The following CASP9 variants were observed in gnomAD, a reference collection of about 807,000 sequenced individuals.
The protein encoded by CASP9 is caspase-9.
Under a neutral mutation model 43.5 loss-of-function variants are expected in CASP9, and 29 were observed. The ratio of observed to expected loss-of-function variants is 0.67; its 90% confidence interval spans 0.50 to 0.91. CASP9 has a LOEUF of 0.91. CASP9 is among the 40% of genes least tolerant of loss of function. The probability of loss-of-function intolerance (pLI) is 0.00; values close to 1 mark genes in which losing one functional copy is unlikely to be tolerated. For synonymous variants in CASP9, 206 were observed against 211.9 expected (o/e 0.97, Z 0.24); for missense variants, 575 against 537.4 (o/e 1.07, Z -0.69).
At chr1:15,494,130 C>T in intron 7 of CASP9, 129 bp from the exon 8 acceptor site, 1 of 1,093,156 alleles carries the variant, frequency 9.1e-7, no homozygotes. Flanking sequence ...CCAACAGGAG[C>T]AGCCTGGCCC....
At chr1:15,508,028 C>A in intron 2 of CASP9, 121 bp from the exon 3 acceptor site, 1 of 960,998 alleles carries the variant, frequency 1.0e-6, no homozygotes, top group Non-Finnish European at 1.6e-6. Context: ...TCAGACTCTG[C>A]TGGTGGGAGA....
chr1:15,511,499 G>A (rs575007041), intron 2 of CASP9, among the ~76,000 whole-genome samples: 1 of 151,996 alleles, frequency 6.6e-6, no homozygotes, highest in South Asian at 2.1e-4. Context: ...TGTCTCCCAG[G>A]TTCAAACAAT....
intron 1 of CASP9, among the ~76,000 whole-genome samples, chr1:15,520,568 C>CT (rs956823401): frequency 6.6e-6 from 1 of 152,228 alleles, no homozygotes; most frequent in Admixed American, 6.5e-5. Context: ...GGTGAGCCCT[C>CT]TGTCAGGCCC....
At chr1:15,510,864 T>C (rs965680777) in intron 2 of CASP9, among the ~76,000 whole-genome samples, 13 of 152,110 alleles carry the variant, frequency 8.5e-5, no homozygotes, top group African/African-American at 2.7e-4. Flanking sequence ...CCTGAGTCAC[T>C]GGGCATGTGC....
intron 1 of CASP9, among the ~76,000 whole-genome samples, chr1:15,522,124 T>C (rs1267725298): frequency 3.9e-5 from 6 of 152,164 alleles, no homozygotes; most frequent in Admixed American, 2.0e-4. Context: ...CTTTATAGAG[T>C]TAAATTAGAA....
upstream of CASP9, chr1:15,524,628 CG>C: frequency 1.0e-6 from 1 of 995,240 alleles, no homozygotes; most frequent in Non-Finnish European, 1.2e-6. Flanking sequence ...GCCCGCAGGA[CG>C]CATCTCCAAC....
chr1:15,524,163 C>G lies in CASP9; in HGVS notation c.38G>C (p.Arg13Pro). 1 of 1,539,536 alleles carries G rather than the reference C, an allele frequency of 6.5e-7. No homozygotes were observed. The highest frequency in any genetic ancestry group is 8.7e-7 in the Non-Finnish European group (1 of 1,146,922). The change falls in exon 1 of 9, where the codon CGG (arginine) becomes CCG (proline). Residue 13 changes from arginine to proline, a missense_variant. Arg to Pro is a moderately radical substitution (Grantham distance 103). Transcript: ENST00000333868. The part of the protein sequence containing the change: ...EADRRLLRRC[R>P]LRLVEELQVD... ...CTGCAGCTCTTCCACCAGCCGCAGCCGGCACCGCCGCAGGAGCCGCCGATC... is the reference window on the plus strand; with the variant it reads ...CTGCAGCTCTTCCACCAGCCGCAGCGGGCACCGCCGCAGGAGCCGCCGATC...
chr1:15,504,535 G>T, intron 6 of CASP9, 76 bp downstream of exon 6: 1 of 1,474,222 alleles, frequency 6.8e-7, no homozygotes, highest in Non-Finnish European at 9.2e-7. Context: ...CCTGTGAGGG[G>T]CAGGCTGGAG....
chr1:15,504,480 G>T, intron 6 of CASP9, 131 bp downstream of exon 6: 2 of 875,446 alleles, frequency 2.3e-6, no homozygotes, highest in Non-Finnish European at 3.5e-6. Flanking sequence ...GCCAAAAAGG[G>T]ACCATGTGTG....
chr1:15,496,836 A>G (rs1241320254), intron 6 of CASP9, among the ~76,000 whole-genome samples: 2 of 151,588 alleles, frequency 1.3e-5, no homozygotes, highest in African/African-American at 4.9e-5. Flanking sequence ...CCAGACCAGC[A>G]AAACCTCATC....
At position 15,494,002 on chromosome 1, in the gene CASP9, C is replaced by A. The variant is rs929838362; in HGVS notation, c.1049-1G>T. 3.8e-6 allele frequency: 6 copies of A among 1,581,540 alleles called. No homozygotes were observed. The highest frequency in any genetic ancestry group is 5.2e-6 in the Non-Finnish European group (6 of 1,163,984). On this transcript the variant is annotated splice_acceptor_variant, in intron 7 of 8. Coordinates refer to ENST00000333868, the MANE Select transcript of CASP9 (RefSeq NM_001229.5). LOFTEE classifies it high-confidence loss of function. ...TTGGGGTCCCTCCAGGAAACAAAACCTTTGGAGGGAGGAGGGCTGAACACT... is the reference window on the plus strand; with the variant it reads ...TTGGGGTCCCTCCAGGAAACAAAACATTTGGAGGGAGGAGGGCTGAACACT...
chr1:15,516,202 A>T (rs1184725281), intron 2 of CASP9, among the ~76,000 whole-genome samples: 1 of 99,838 alleles, frequency 1.0e-5, no homozygotes, highest in Non-Finnish European at 2.2e-5. Flanking sequence ...ACTCCCTCTT[A>T]AAAAAAAAAA....
At chr1:15,495,492 A>T (rs1709073359) in intron 6 of CASP9, 40 bp from the exon 7 acceptor site, 1 of 1,499,328 alleles carries the variant, frequency 6.7e-7, no homozygotes. Flanking sequence ...TCATTGAAAT[A>T]CACAGACAAG....
intron 6 of CASP9, 85 bp from the exon 7 acceptor site, chr1:15,495,537 T>A (rs1709075414): frequency 1.7e-6 from 2 of 1,173,222 alleles, no homozygotes; most frequent in Non-Finnish European, 1.2e-6. Flanking sequence ...TGCAATATAC[T>A]ACATTAACAG....
At chr1:15,524,783 A>T, upstream of CASP9, 1 of 996,956 alleles carries the variant, frequency 1.0e-6, no homozygotes, top group Non-Finnish European at 1.2e-6. Context: ...ACTCCCCGGG[A>T]CGCATCTAGA....
intron 2 of CASP9, among the ~76,000 whole-genome samples, chr1:15,516,842 C>A (rs1432244615): frequency 6.6e-6 from 1 of 152,224 alleles, no homozygotes; most frequent in African/African-American, 2.4e-5. Flanking sequence ...TGGGGCTACC[C>A]TGCAGAGCAG....
chr1:15,505,615 T>G (rs4646043), intron 5 of CASP9, among the ~76,000 whole-genome samples: 2,991 of 152,186 alleles, frequency 0.02, 58 homozygotes, highest in Non-Finnish European at 0.029. Context: ...GTGGGCCTGG[T>G]GTCCTGAGTC....
chr1:15,506,895 G>T lies in CASP9; in HGVS notation c.630+4C>A. ...CTGTCTCCCTCCACAGATAGTGAGT[G>T]TACCTTGGCAGTCAGGTCGCCCTTC... On this transcript the variant is annotated splice_donor_region_variant and intron_variant, in intron 4 of 8. Transcript: ENST00000333868. The T allele has an allele frequency of 6.2e-7, 1 of 1,606,494 alleles. No individual in the cohort carries two copies. Among genetic ancestry groups the T allele is most frequent in the African/African-American group, 1.3e-5 (1 of 74,904 alleles).
intron 2 of CASP9, among the ~76,000 whole-genome samples, chr1:15,515,141 G>A (rs1401901928): frequency 6.6e-6 from 1 of 152,136 alleles, no homozygotes; most frequent in Non-Finnish European, 1.5e-5. Flanking sequence ...AAAAAAACAG[G>A]AAGTTTCAAA....
Sources: gnomAD v4.1 joint callset for allele counts (sites outside exome capture counted in the v4.1 genomes callset) on GRCh38, gnomAD v4.1.1 for gene constraint, MANE v1.5 for transcripts, NCBI Gene and HGNC (gene_info 2026-07-23, HGNC 2026-07-21) for gene names.